The following TMTC1 variants were observed in gnomAD, a reference collection of about 807,000 sequenced individuals.
TMTC1 encodes the protein transmembrane O-mannosyltransferase targeting cadherins 1.
In TMTC1, 73 loss-of-function variants were observed where a neutral mutation model predicts 104.8. The observed-to-expected ratio is 0.70, with a 90% CI of 0.58 to 0.85. The LOEUF (loss-of-function observed/expected upper bound fraction) is 0.85. Among genes scored for constraint, TMTC1 ranks in the 40% least tolerant of loss-of-function variants. The probability of loss-of-function intolerance (pLI) is 0.00; values close to 1 mark genes in which losing one functional copy is unlikely to be tolerated. For missense variants in TMTC1, 1,035 were observed against 1,096.1 expected, an observed-to-expected ratio of 0.94 and a Z score of 0.79; for synonymous variants, 434 against 428.7, an observed-to-expected ratio of 1.01 and a Z score of -0.15.
intron 17 of TMTC1, among the ~76,000 whole-genome samples, chr12:29,509,579 A>G (rs1333808964): frequency 6.6e-6 from 1 of 152,186 alleles, no homozygotes; most frequent in Admixed American, 6.6e-5. Flanking sequence ...TAGGCTTCAT[A>G]AGGACAACTC....
intron 11 of TMTC1, 136 bp downstream of exon 11, chr12:29,536,073 G>T: frequency 1.5e-6 from 1 of 655,412 alleles, no homozygotes. Flanking sequence ...TGTAATTTCT[G>T]TCCAAAAGAA....
intron 10 of TMTC1, among the ~76,000 whole-genome samples, chr12:29,544,156 T>A (rs1242180386): frequency 6.7e-6 from 1 of 150,012 alleles, no homozygotes; most frequent in African/African-American, 2.5e-5. Context: ...GGCAGGAGAA[T>A]CACTTGAACC....
At position 29,654,402 on chromosome 12, in the gene TMTC1, C is replaced by T. The variant is rs534059158; in HGVS notation, c.939-21066G>A. Reference sequence around the variant, plus strand: ...GGTACATCAAAACCACAATAACATACCATTCCCTACCCATTGGTATGGCTA... The same window carrying T: ...GGTACATCAAAACCACAATAACATATCATTCCCTACCCATTGGTATGGCTA... On this transcript the variant is annotated intron_variant, in intron 5 of 17. Transcript: ENST00000539277. 2.6e-5 allele frequency among the ~76,000 whole-genome samples: 4 copies of T among 152,248 alleles called. No homozygotes were observed. In the South Asian group the frequency reaches 8.3e-4, roughly 32 times the overall value.
chr12:29,575,908 T>C (rs548348259), intron 8 of TMTC1, among the ~76,000 whole-genome samples: 2 of 152,320 alleles, frequency 1.3e-5, no homozygotes, highest in East Asian at 3.9e-4. Flanking sequence ...CCAACACTTG[T>C]TATCTCTTGT....
intron 5 of TMTC1, among the ~76,000 whole-genome samples, chr12:29,679,188 C>T (rs905753859): frequency 6.6e-5 from 10 of 152,026 alleles, no homozygotes; most frequent in African/African-American, 9.7e-5. Flanking sequence ...TAAAAGAATA[C>T]ATGACAAAGC....
intron 10 of TMTC1, among the ~76,000 whole-genome samples, chr12:29,544,335 G>A (rs1274742360): frequency 6.6e-6 from 1 of 151,716 alleles, no homozygotes; most frequent in Non-Finnish European, 1.5e-5. Context: ...TCAGAGAATA[G>A]GCCACTTGCC....
At chr12:29,643,402 C>T (rs1362502949) in intron 5 of TMTC1, among the ~76,000 whole-genome samples, 1 of 74,870 alleles carries the variant, frequency 1.3e-5, no homozygotes, top group Non-Finnish European at 2.8e-5. Flanking sequence ...AACCCAAATA[C>T]CCATCAATCA....
At chr12:29,560,498 C>T (rs903323170) in intron 9 of TMTC1, among the ~76,000 whole-genome samples, 2 of 152,050 alleles carry the variant, frequency 1.3e-5, no homozygotes, top group Non-Finnish European at 2.9e-5. Flanking sequence ...GTGGCTCATG[C>T]CTGTAATCCC....
At chr12:29,769,417 G>A (rs1943546623) in intron 1 of TMTC1, among the ~76,000 whole-genome samples, 1 of 152,204 alleles carries the variant, frequency 6.6e-6, no homozygotes, top group South Asian at 2.1e-4. Flanking sequence ...CAATACAGGA[G>A]CCTGGTGGGA....
chr12:29,711,728 G>GGGTGT (rs1307004208), intron 5 of TMTC1, among the ~76,000 whole-genome samples: 6 of 152,080 alleles, frequency 3.9e-5, no homozygotes, highest in African/African-American at 1.4e-4. Flanking sequence ...AACCCTGGCT[G>GGGTGT]GGTGTGGTGG....
chr12:29,617,536 C>CAGAG (rs145115277), intron 6 of TMTC1, among the ~76,000 whole-genome samples: 5,049 of 134,870 alleles, frequency 0.037, 119 homozygotes, highest in Middle Eastern at 0.1. Context: ...AAACAGACAA[C>CAGAG]AGAGAGAGAG....
intron 5 of TMTC1, among the ~76,000 whole-genome samples, chr12:29,727,989 A>G (rs1397565275): frequency 6.6e-6 from 1 of 152,196 alleles, no homozygotes; most frequent in African/African-American, 2.4e-5. Context: ...CGAAGCAACG[A>G]CTGGCCACAC....
At chr12:29,660,051 T>C (rs1292749089) in intron 5 of TMTC1, 18 of 1,241,776 alleles carry the variant, frequency 1.4e-5, no homozygotes, top group South Asian at 4.0e-5. Flanking sequence ...AGGTGCATTC[T>C]GTTCCTCTAA....
chr12:29,782,275 T>A (rs1330264326), intron 1 of TMTC1, among the ~76,000 whole-genome samples: 1 of 152,208 alleles, frequency 6.6e-6, no homozygotes, highest in East Asian at 1.9e-4. Flanking sequence ...TTAAAAACAT[T>A]AAACTTTCAG....
In TMTC1 at chr12:29,639,673, T is replaced by C. The variant is rs1938738806; in HGVS notation, c.939-6337A>G. On this transcript the variant is annotated intron_variant, in intron 5 of 17. Coordinates refer to ENST00000539277, the MANE Select transcript of TMTC1 (RefSeq NM_001193451.2). ...ACACAAGTGTTTACCAAAAGACATT[T>C]AGAAGATTGTTCATAGCAGGACTTT... 2.6e-5 allele frequency among the ~76,000 whole-genome samples: 4 copies of C among 152,198 alleles called. No homozygotes were observed. In the South Asian group the frequency reaches 8.3e-4, roughly 32 times the overall value.
intron 17 of TMTC1, among the ~76,000 whole-genome samples, chr12:29,511,179 A>G (rs1156522023): frequency 6.6e-6 from 1 of 152,174 alleles, no homozygotes; most frequent in African/African-American, 2.4e-5. Flanking sequence ...TCACCAGCTA[A>G]TATATTTTAT....
intron 5 of TMTC1, among the ~76,000 whole-genome samples, chr12:29,741,768 T>C (rs1223033972): frequency 6.6e-6 from 1 of 152,342 alleles, no homozygotes; most frequent in Non-Finnish European, 1.5e-5. Context: ...TTCTGTTCTC[T>C]TAGTCATCAA....
At chr12:29,601,363 C>G (rs1946560389) in intron 7 of TMTC1, among the ~76,000 whole-genome samples, 1 of 152,168 alleles carries the variant, frequency 6.6e-6, no homozygotes, top group South Asian at 2.1e-4. Context: ...AAAATTCCAG[C>G]CCTTCACTCT....
chr12:29,734,112 T>C (rs1157064333), intron 5 of TMTC1, among the ~76,000 whole-genome samples: 2 of 152,218 alleles, frequency 1.3e-5, no homozygotes, highest in African/African-American at 4.8e-5. Flanking sequence ...CTAAAATAGA[T>C]GTTGGCACAC....
Sources: allele counts gnomAD v4.1 joint callset (sites outside exome capture counted in the v4.1 genomes callset), GRCh38; gene constraint gnomAD v4.1.1; transcripts MANE v1.5; gene names NCBI Gene and HGNC (gene_info 2026-07-23, HGNC 2026-07-21).